ZNF407: variants seen among roughly 807,000 people sequenced by gnomAD.
ZNF407 encodes the protein zinc finger protein 407.
ZNF407 carries 17 observed loss-of-function variants against 131.2 expected under a neutral mutation model. The observed-to-expected ratio is 0.13, with a 90% CI of 0.09 to 0.19. The LOEUF is 0.19. Ranked by LOEUF, ZNF407 falls within the 10% of genes least tolerant of loss-of-function variation. ZNF407 has a pLI of 1.00. For synonymous variants in ZNF407, 1,156 were observed against 1,062.0 expected, an observed-to-expected ratio of 1.09 and a Z score of -1.72; for missense variants, 2,681 against 2,830.6, an observed-to-expected ratio of 0.95 and a Z score of 1.20.
intron 7 of ZNF407, among the ~76,000 whole-genome samples, chr18:74,896,788 C>T (rs922397944): frequency 2.0e-5 from 3 of 152,106 alleles, no homozygotes; most frequent in Non-Finnish European, 4.4e-5. Flanking sequence ...AAATGAATGT[C>T]CTCTTAATTG....
intron 1 of ZNF407, among the ~76,000 whole-genome samples, chr18:74,611,090 G>A (rs1983039175): frequency 6.6e-6 from 1 of 152,168 alleles, no homozygotes; most frequent in African/African-American, 2.4e-5. Flanking sequence ...AACTTCCTGA[G>A]GGTGGGGTAT....
intron 8 of ZNF407, among the ~76,000 whole-genome samples, chr18:74,970,037 C>T (rs138831527): frequency 3.4e-4 from 52 of 152,096 alleles, no homozygotes; most frequent in African/African-American, 8.2e-4. Context: ...TCTTTCATGG[C>T]GGCAGCAAGA....
At chr18:74,716,147 T>G (rs1599093958) in intron 3 of ZNF407, among the ~76,000 whole-genome samples, 1 of 152,184 alleles carries the variant, frequency 6.6e-6, no homozygotes, top group African/African-American at 2.4e-5. Flanking sequence ...TTTTGGCAGG[T>G]TTTTAATTTT....
chr18:74,667,175 C>T (rs1213258430), intron 3 of ZNF407, among the ~76,000 whole-genome samples: 1 of 152,224 alleles, frequency 6.6e-6, no homozygotes. Context: ...CCACCTGCGT[C>T]TGTGCTGGGG....
In ZNF407 at chr18:74,664,496, A is replaced by AAAAC. The variant is rs895642148; in HGVS notation, c.4802+23394_4802+23397dup. ...GGCGACGGAGTGAGACTCCGTCTCAAAAACAAACAAACAAACAAACAAAAG... is the reference window on the plus strand; with the variant it reads ...GGCGACGGAGTGAGACTCCGTCTCAAAAACAAACAAACAAACAAACAAACAAAAG... On this transcript the variant is annotated intron_variant, in intron 3 of 8. Coordinates refer to ENST00000299687, the MANE Select transcript of ZNF407 (RefSeq NM_017757.3). 1.1e-4 allele frequency among the ~76,000 whole-genome samples: 17 copies of AAAAC among 152,154 alleles called. No individual in the cohort carries two copies. The East Asian group carries it at 1.2e-3, about 10-fold the overall frequency.
intron 8 of ZNF407, among the ~76,000 whole-genome samples, chr18:75,003,278 T>A (rs1292609958): frequency 6.6e-6 from 1 of 152,224 alleles, no homozygotes; most frequent in African/African-American, 2.4e-5. Context: ...CATGCACCAC[T>A]GTGACTCAGT....
intron 4 of ZNF407, among the ~76,000 whole-genome samples, chr18:74,862,076 C>T (rs1401325663): frequency 6.6e-6 from 1 of 152,160 alleles, no homozygotes; most frequent in African/African-American, 2.4e-5. Context: ...AGACTTAGAA[C>T]TTTAGGAATT....
At chr18:74,968,855 T>A (rs1339437489) in intron 8 of ZNF407, among the ~76,000 whole-genome samples, 1 of 152,180 alleles carries the variant, frequency 6.6e-6, no homozygotes, top group Non-Finnish European at 1.5e-5. Context: ...TTTAAATACT[T>A]TTTTTGGTGC....
chr18:74,931,155 G>T (rs1239770485), intron 8 of ZNF407, among the ~76,000 whole-genome samples: 2 of 152,114 alleles, frequency 1.3e-5, no homozygotes, highest in Admixed American at 6.5e-5. Flanking sequence ...TTAGGCAATT[G>T]TTTCTTGGAT....
chr18:74,757,731 T>C (rs1439920433), intron 3 of ZNF407, among the ~76,000 whole-genome samples: 1 of 152,108 alleles, frequency 6.6e-6, no homozygotes, highest in Non-Finnish European at 1.5e-5. Context: ...TTACTGAAAA[T>C]GGGCTTTTCA....
chr18:74,933,666 G>C (rs567084809), intron 8 of ZNF407, among the ~76,000 whole-genome samples: 144 of 152,170 alleles, frequency 9.5e-4, no homozygotes, highest in Non-Finnish European at 1.7e-3. Context: ...TACATCTCTT[G>C]GTTGGTGAAG....
intron 3 of ZNF407, among the ~76,000 whole-genome samples, chr18:74,650,846 C>T (rs2144709226): frequency 6.6e-6 from 1 of 152,204 alleles, no homozygotes; most frequent in African/African-American, 2.4e-5. Flanking sequence ...AATGATTATA[C>T]TGTGATAGAG....
At chr18:74,872,766 G>GAAAAAAAAAAAAAAAAAAAAAA (rs5826351) in intron 4 of ZNF407, among the ~76,000 whole-genome samples, 1 of 123,210 alleles carries the variant, frequency 8.1e-6, no homozygotes, top group African/African-American at 3.3e-5. Context: ...AAAAAAAAAA[G>GAAAAAAAAAAAAAAAAAAAAAA]AAAAAAAAAA....
At chr18:74,929,786 G>A (rs1971960751) in intron 8 of ZNF407, among the ~76,000 whole-genome samples, 1 of 152,174 alleles carries the variant, frequency 6.6e-6, no homozygotes, top group Admixed American at 6.5e-5. Context: ...CATTAGCTTT[G>A]AAATGTAGTT....
At chr18:74,875,334 AACATTTTTATT>A (rs1971141353) in intron 4 of ZNF407, among the ~76,000 whole-genome samples, 1 of 152,226 alleles carries the variant, frequency 6.6e-6, no homozygotes, top group Non-Finnish European at 1.5e-5. Context: ...GCTTTAGTTT[AACATTTTTATT>A]ACATAGGAAT....
chr18:74,817,139 G>T (rs1266908367), intron 4 of ZNF407, among the ~76,000 whole-genome samples: 1 of 152,146 alleles, frequency 6.6e-6, no homozygotes, highest in Non-Finnish European at 1.5e-5. Context: ...GAGGCTCACA[G>T]CTCAAGTAGG....
In ZNF407 at chr18:74,795,503, C is replaced by A. The variant is rs1453558299; in HGVS notation, c.4877+14001C>A. Among the ~76,000 whole-genome samples the A allele has an allele frequency of 5.3e-5, 8 of 152,262 alleles. No homozygotes were observed. The East Asian group carries it at 1.5e-3, about 29-fold the overall frequency. The stretch of plus-strand genomic sequence containing the variant: ...TTTGAAATTATGAATTTTGTTGTTA[C>A]AATATTGAGGTACTCTTACTTAAAC... On this transcript the variant is annotated intron_variant, in intron 4 of 8. Transcript: ENST00000299687.
At chr18:74,787,116 A>C (rs1969734199) in intron 4 of ZNF407, among the ~76,000 whole-genome samples, 1 of 152,108 alleles carries the variant, frequency 6.6e-6, no homozygotes, top group East Asian at 1.9e-4. Flanking sequence ...TGTAAAAGTA[A>C]GATTTAATAG....
intron 8 of ZNF407, among the ~76,000 whole-genome samples, chr18:74,946,290 C>T (rs938249897): frequency 6.6e-5 from 10 of 152,284 alleles, no homozygotes; most frequent in Middle Eastern, 3.4e-3. Flanking sequence ...TTCCACAAAG[C>T]GAGATTTCCT....
Sources: allele counts gnomAD v4.1 joint callset (sites outside exome capture counted in the v4.1 genomes callset), GRCh38; gene constraint gnomAD v4.1.1; transcripts MANE v1.5; gene names NCBI Gene and HGNC (gene_info 2026-07-23, HGNC 2026-07-21).